UBASH3B: variants seen among roughly 807,000 people sequenced by gnomAD.
The protein encoded by UBASH3B is ubiquitin associated and SH3 domain containing B, also known as ubiquitin-associated and SH3 domain-containing protein B.
Under a neutral mutation model 83.4 loss-of-function variants are expected in UBASH3B, and 37 were observed. That is an observed-to-expected ratio of 0.44 (90% CI 0.34 to 0.58). The LOEUF (loss-of-function observed/expected upper bound fraction) is 0.58. UBASH3B is among the 20% of genes least tolerant of loss of function. The pLI, the probability that UBASH3B is intolerant of heterozygous loss-of-function variation, is 0.01. For synonymous variants in UBASH3B, 304 were observed against 318.3 expected (o/e 0.96, Z 0.48); for missense variants, 657 against 827.2 (o/e 0.79, Z 2.52).
intron 1 of UBASH3B, among the ~76,000 whole-genome samples, chr11:122,704,016 C>T (rs1157547729): frequency 6.6e-6 from 1 of 152,228 alleles, no homozygotes; most frequent in East Asian, 1.9e-4. Flanking sequence ...AACAATGACT[C>T]ACTTGGACTC....
Position 122,796,959 on chromosome 11 carries a change from G to A in UBASH3B, c.1283G>A (p.Arg428Gln), listed in dbSNP as rs755770986. The A allele has an allele frequency of 2.5e-6, 4 of 1,614,098 alleles. No individual in the cohort carries two copies. The highest frequency in any genetic ancestry group is 2.2e-5 in the East Asian group (1 of 44,866). The change falls in exon 9 of 14, where the codon CGG becomes CAG. Residue 428 changes from arginine (R) to glutamine (Q), a missense_variant. Around this residue, in one of 3 missense-constraint regions of UBASH3B, gnomAD observed 573 missense variants for 739.0 expected, o/e 0.78. Coordinates refer to ENST00000284273, the MANE Select transcript of UBASH3B (RefSeq NM_032873.5). ...AACATGCCTCATAGTTTACCTCAGC[G>A]GAGTGGTGGTTTCCGAGATTACGAG... The part of the protein sequence containing the change: ...NLNMPHSLPQ[R>Q]SGGFRDYEKD...
chr11:122,787,001 C>A (rs1350487281), intron 5 of UBASH3B, among the ~76,000 whole-genome samples: 11 of 151,596 alleles, frequency 7.3e-5, no homozygotes, highest in Admixed American at 7.2e-4. Flanking sequence ...TCCCCCCCCA[C>A]CGCCCCACAT....
In UBASH3B at chr11:122,655,944, T is replaced by A; in HGVS notation, c.-106T>A. On this transcript the variant is annotated 5_prime_UTR_variant, in exon 1 of 14. Coordinates refer to ENST00000284273, the MANE Select transcript of UBASH3B (RefSeq NM_032873.5). ...GCCTCCGCTGCCGCCGCCTCCTGCCTGGCTCTGGGTCCCCGAGCCCCCTCC... is the reference window on the plus strand; with the variant it reads ...GCCTCCGCTGCCGCCGCCTCCTGCCAGGCTCTGGGTCCCCGAGCCCCCTCC... The A allele has an allele frequency of 8.2e-7, 1 of 1,215,772 alleles. No individual in the cohort carries two copies. The highest frequency in any genetic ancestry group is 1.1e-6 in the Non-Finnish European group (1 of 930,318). 75.3% of individuals were successfully genotyped at this position (1,215,772 alleles called of 1,614,324 possible). A position where few individuals can be genotyped will look rare whatever the true frequency, so the allele number is the denominator to read the frequency against.
At chr11:122,745,327 TGG>T (rs1390801421) in intron 1 of UBASH3B, among the ~76,000 whole-genome samples, 17 of 152,232 alleles carry the variant, frequency 1.1e-4, no homozygotes, top group African/African-American at 4.1e-4. Context: ...GCACAGTTCC[TGG>T]TAGCTGGCAG....
At chr11:122,766,543 C>T (rs1860541292) in intron 1 of UBASH3B, among the ~76,000 whole-genome samples, 1 of 149,188 alleles carries the variant, frequency 6.7e-6, no homozygotes, top group South Asian at 2.1e-4. Context: ...AGCGAGACTC[C>T]GTCTCAAAAA....
At chr11:122,706,660 T>C (rs1367332951) in intron 1 of UBASH3B, among the ~76,000 whole-genome samples, 1 of 152,180 alleles carries the variant, frequency 6.6e-6, no homozygotes, top group Admixed American at 6.5e-5. Context: ...ACGAGTGGAC[T>C]TGTAGGCTTT....
In UBASH3B at chr11:122,747,248, G is replaced by T. The variant is rs1030706270; in HGVS notation, c.162-28971G>T. On this transcript the variant is annotated intron_variant, in intron 1 of 13. Transcript: ENST00000284273. ...TGGACTATAAATTGGAGAATGAAAG[G>T]GAGAGTGAAACCAGCAGCCAATAGG... is the stretch of plus-strand genomic sequence containing the variant. Among the ~76,000 whole-genome samples, 5 of 152,306 alleles carry T rather than the reference G, an allele frequency of 3.3e-5. No homozygotes were observed. The South Asian group carries it at 8.3e-4, about 25-fold the overall frequency.
Position 122,806,305 on chromosome 11 carries a change from C to A in UBASH3B, c.1596-105C>A. Reference sequence around the variant, plus strand: ...TAGGGAAATGGATAAACAAACAGATCTACGGGATCTTTAGAAATGCCTTGA... The same window carrying A: ...TAGGGAAATGGATAAACAAACAGATATACGGGATCTTTAGAAATGCCTTGA... On this transcript the variant is annotated intron_variant, in intron 11 of 13. Coordinates refer to ENST00000284273, the MANE Select transcript of UBASH3B (RefSeq NM_032873.5). This position sits in a 1 kb window ranked among gnomAD's most constrained non-coding sequence, Gnocchi z 4.0. The A allele has an allele frequency of 2.1e-6, 2 of 950,736 alleles. No homozygotes were observed. The highest frequency in any genetic ancestry group is 3.2e-6 in the Non-Finnish European group (2 of 627,270). 58.9% of individuals were successfully genotyped at this position (950,736 alleles called of 1,614,324 possible).
At chr11:122,780,146 G>A (rs1037593200) in intron 4 of UBASH3B, among the ~76,000 whole-genome samples, 3 of 152,036 alleles carry the variant, frequency 2.0e-5, no homozygotes, top group Non-Finnish European at 4.4e-5. Flanking sequence ...AGAGAAGAGT[G>A]GAAGCACTTC....
Position 122,796,236 on chromosome 11 carries a change from G to A in UBASH3B, c.1194G>A (p.Val398=). ...GGCATGGTGAGAGGATGGATGTTGT[G>A]TTTGGGAAGTACTGGCTGTCCCAGT... ...VCRHGERMDV[V]FGKYWLSQCF... is the part of the protein sequence containing the mutation. Residue 398 remains valine, a synonymous_variant, in exon 8 of 14, where the codon GTG becomes GTA. Transcript: ENST00000284273. 6.2e-7 allele frequency: 1 copy of A among 1,614,178 alleles called. No individual in the cohort carries two copies. The highest frequency in any genetic ancestry group is 8.5e-7 in the Non-Finnish European group (1 of 1,180,014).
At chr11:122,708,290 G>GC (rs1555138561) in intron 1 of UBASH3B, among the ~76,000 whole-genome samples, 1 of 104,208 alleles carries the variant, frequency 9.6e-6, no homozygotes, top group Non-Finnish European at 2.0e-5. Context: ...ACTTTGCTTG[G>GC]CTTTTTTTTT....
intron 1 of UBASH3B, among the ~76,000 whole-genome samples, chr11:122,753,400 G>A (rs1275865046): frequency 4.0e-5 from 6 of 151,606 alleles, no homozygotes; most frequent in Non-Finnish European, 5.9e-5. Context: ...GCAGTGAGCC[G>A]AGATTGTGCC....
chr11:122,666,160 G>C (rs1863514449), intron 1 of UBASH3B, among the ~76,000 whole-genome samples: 1 of 152,206 alleles, frequency 6.6e-6, no homozygotes, highest in Non-Finnish European at 1.5e-5. Flanking sequence ...AGGTTTTGTT[G>C]GGTGAACCTT....
intron 1 of UBASH3B, among the ~76,000 whole-genome samples, chr11:122,667,929 G>A (rs78047139): frequency 0.011 from 1,729 of 152,250 alleles, 16 homozygotes; most frequent in Non-Finnish European, 0.014. Flanking sequence ...TGAGACCATG[G>A]TTTCTTTTTT....
rs576186155 is a variant in UBASH3B, at chr11:122,768,308, C to T, written c.162-7911C>T. ...GCCAATGACTCTCCTGTCAAGAGGG[C>T]GCTCTGTGGAGAAGCAGAAATGCTG... On this transcript the variant is annotated intron_variant, in intron 1 of 13. Transcript: ENST00000284273. Among the ~76,000 whole-genome samples, 53 of 152,156 alleles carry T rather than the reference C, an allele frequency of 3.5e-4. No individual in the cohort carries two copies. In the East Asian group the frequency reaches 4.3e-3, roughly 12 times the overall value.
At chr11:122,760,424 AAC>A (rs1326092147) in intron 1 of UBASH3B, among the ~76,000 whole-genome samples, 1 of 151,712 alleles carries the variant, frequency 6.6e-6, no homozygotes, top group Non-Finnish European at 1.5e-5. Context: ...GCAGTGGCTC[AAC>A]CTTGGCTCAC....
intron 1 of UBASH3B, among the ~76,000 whole-genome samples, chr11:122,694,476 C>A (rs116652125): frequency 4.3e-4 from 66 of 152,176 alleles, no homozygotes; most frequent in African/African-American, 9.6e-4. Flanking sequence ...GGGAGGATCG[C>A]TTGAGCCTGA....
chr11:122,752,382 T>C (rs1294819729), intron 1 of UBASH3B, among the ~76,000 whole-genome samples: 1 of 152,084 alleles, frequency 6.6e-6, no homozygotes, highest in African/African-American at 2.4e-5. Flanking sequence ...TTAAGAATGA[T>C]AGGGTTATAG....
rs112614206 is a variant in UBASH3B, at chr11:122,774,309, G to A, written c.162-1910G>A. The A allele has an allele frequency of 1.8e-5, 18 of 985,250 alleles. No individual in the cohort carries two copies. The African/African-American group carries it at 3.1e-4, about 17-fold the overall frequency. The allele number at this position is 985,250 out of a possible 1,614,324, so 61.0% of individuals were successfully genotyped here. A position where few individuals can be genotyped will look rare whatever the true frequency, so the allele number is the denominator to read the frequency against. On this transcript the variant is annotated intron_variant, in intron 1 of 13. Coordinates refer to ENST00000284273, the MANE Select transcript of UBASH3B (RefSeq NM_032873.5). ...CAGTGCTGTTCTCATTAGCTGTGCA[G>A]ACTTCCTTATCCTGATCATTTGGTA...
Sources: allele counts gnomAD v4.1 joint callset (sites outside exome capture counted in the v4.1 genomes callset), GRCh38; gene constraint gnomAD v4.1.1; regional missense constraint gnomAD v4.1.1; non-coding constraint Gnocchi (gnomAD v3.1); transcripts MANE v1.5; gene names NCBI Gene and HGNC (gene_info 2026-07-23, HGNC 2026-07-21).